The following SPTLC2 variants were observed in gnomAD, a reference collection of about 807,000 sequenced individuals.
SPTLC2 encodes serine palmitoyltransferase long chain base subunit 2.
Under a neutral mutation model 62.0 loss-of-function variants are expected in SPTLC2, and 21 were observed. The ratio of observed to expected loss-of-function variants is 0.34; its 90% confidence interval spans 0.24 to 0.49. The LOEUF (loss-of-function observed/expected upper bound fraction) is 0.49. Among genes scored for constraint, SPTLC2 ranks in the 20% least tolerant of loss-of-function variants. The probability of loss-of-function intolerance (pLI) is 0.99; values close to 1 mark genes in which losing one functional copy is unlikely to be tolerated. For missense variants in SPTLC2, 511 were observed against 713.0 expected (o/e 0.72, Z 3.23); for synonymous variants, 261 against 261.8 (o/e 1.00, Z 0.03).
At position 77,509,913 on chromosome 14, in the gene SPTLC2, T is replaced by G; in HGVS notation, c.*2371A>C. ...ATAGATATATTTTAAATGCCGGTAC[T>G]GACATTTGAATTTGCAGTGACTTCA... On this transcript the variant is annotated 3_prime_UTR_variant, in exon 12 of 12. Transcript: ENST00000216484. 1 of 398,452 alleles carries G rather than the reference T, an allele frequency of 2.5e-6. No homozygotes were observed. Among genetic ancestry groups the G allele is most frequent in the Middle Eastern group, 6.3e-4 (1 of 1,584 alleles). 24.7% of individuals were successfully genotyped at this position (398,452 alleles called of 1,614,324 possible).
At chr14:77,521,648 A>G (rs1286877769) in intron 9 of SPTLC2, 67 bp from the exon 10 acceptor site, 6 of 1,350,854 alleles carry the variant, frequency 4.4e-6, no homozygotes, top group Non-Finnish European at 6.3e-6. Context: ...AAGACAGTAA[A>G]TCTCCTCTAT....
intron 6 of SPTLC2, 120 bp downstream of exon 6, chr14:77,562,276 A>G: frequency 1.1e-6 from 1 of 874,294 alleles, no homozygotes. Context: ...GAACATTTTA[A>G]ATGTTGCTAC....
chr14:77,604,440 T>C (rs1169957366), intron 1 of SPTLC2, among the ~76,000 whole-genome samples: 1 of 152,236 alleles, frequency 6.6e-6, no homozygotes, highest in South Asian at 2.1e-4. Context: ...TCAGTTTCTG[T>C]TGCTCTCAAC....
chr14:77,550,435 G>A (rs779556661), intron 9 of SPTLC2, among the ~76,000 whole-genome samples: 1 of 152,158 alleles, frequency 6.6e-6, no homozygotes, highest in Non-Finnish European at 1.5e-5. Flanking sequence ...TTAGCCGGGT[G>A]TGGTGGCGCA....
At chr14:77,543,413 T>C (rs986823953) in intron 9 of SPTLC2, among the ~76,000 whole-genome samples, 11 of 152,218 alleles carry the variant, frequency 7.2e-5, no homozygotes, top group African/African-American at 2.4e-4. Context: ...TGTAGTAATG[T>C]ATCTACCCAC....
intron 9 of SPTLC2, among the ~76,000 whole-genome samples, chr14:77,545,974 G>A (rs190349171): frequency 1.0e-3 from 156 of 152,316 alleles, no homozygotes; most frequent in Admixed American, 1.8e-3. Context: ...GGTGGGGAAA[G>A]GGCTACTGAT....
intron 1 of SPTLC2, among the ~76,000 whole-genome samples, chr14:77,601,647 G>A (rs563270746): frequency 1.3e-5 from 2 of 152,106 alleles, no homozygotes; most frequent in South Asian, 4.1e-4. Context: ...CTCACTTCGT[G>A]AAGAGATCTA....
rs1436801200 is a variant in SPTLC2, at chr14:77,597,297, C to T, written c.216G>A (p.Val72=). ...GTACGCCATACCCCACATACGTGAG[C>T]ACAGCAACCAGCATTGGTGTTTCTT... The part of the protein sequence containing the change: ...AFEETPMLVA[V]LTYVGYGVLT... The change falls in exon 2 of 12, where the codon GTG becomes GTA. Residue 72 remains valine, a synonymous_variant. Transcript: ENST00000216484. The T allele has an allele frequency of 6.2e-6, 10 of 1,614,194 alleles. No homozygotes were observed. The highest frequency in any genetic ancestry group is 8.5e-6 in the Non-Finnish European group (10 of 1,180,032).
chr14:77,600,180 A>G (rs2140058568), intron 1 of SPTLC2, among the ~76,000 whole-genome samples: 1 of 152,340 alleles, frequency 6.6e-6, no homozygotes, highest in East Asian at 1.9e-4. Flanking sequence ...TCTAGGAAGG[A>G]GGATGCTAAA....
chr14:77,581,427 T>TTTTTTTA (rs2079750228), intron 2 of SPTLC2, among the ~76,000 whole-genome samples: 2 of 135,888 alleles, frequency 1.5e-5, no homozygotes, highest in Admixed American at 7.6e-5. Flanking sequence ...TTTTTTTTTT[T>TTTTTTTA]GAGGCAGAGT....
At chr14:77,585,919 G>C (rs2079778392) in intron 2 of SPTLC2, among the ~76,000 whole-genome samples, 1 of 152,110 alleles carries the variant, frequency 6.6e-6, no homozygotes, top group Admixed American at 6.6e-5. Flanking sequence ...AAGGAGCATA[G>C]CCCTAAACGT....
intron 7 of SPTLC2, among the ~76,000 whole-genome samples, chr14:77,556,133 G>A (rs1312646739): frequency 6.6e-6 from 1 of 151,944 alleles, no homozygotes; most frequent in Non-Finnish European, 1.5e-5. Context: ...GACCAGCCCG[G>A]CCAACACAGT....
chr14:77,555,343 G>A lies in SPTLC2; in HGVS notation c.1133C>T (p.Thr378Ile). The change falls in exon 8 of 12, where the codon ACA (threonine) becomes ATA (isoleucine). Residue 378 changes from threonine (T) to isoleucine (I), a missense_variant. Physicochemically the swap from Thr to Ile is moderately conservative, Grantham distance 89. Coordinates refer to ENST00000216484, the MANE Select transcript of SPTLC2 (RefSeq NM_004863.4). ...TCCTCCAGAAGCACCAAAACTCTTTGTGAACGTTCCCATCATAACATCCAC... is the reference window on the plus strand; with the variant it reads ...TCCTCCAGAAGCACCAAAACTCTTTATGAACGTTCCCATCATAACATCCAC... Reference protein sequence around the residue: ...EDVDVMMGTFTKSFGASGGYI... With the variant: ...EDVDVMMGTFIKSFGASGGYI... The A allele has an allele frequency of 1.2e-6, 2 of 1,613,980 alleles. No homozygotes were observed. Among genetic ancestry groups the A allele is most frequent in the Non-Finnish European group, 1.7e-6 (2 of 1,180,010 alleles).
At chr14:77,561,165 G>T (rs574873315) in intron 6 of SPTLC2, among the ~76,000 whole-genome samples, 1 of 152,170 alleles carries the variant, frequency 6.6e-6, no homozygotes, top group East Asian at 1.9e-4. Context: ...AACTGTAACT[G>T]TAGTGCTGTT....
intron 2 of SPTLC2, among the ~76,000 whole-genome samples, chr14:77,584,842 T>C (rs1450132003): frequency 1.3e-5 from 2 of 152,178 alleles, no homozygotes; most frequent in Non-Finnish European, 2.9e-5. Context: ...AAACTGTATT[T>C]CCTGGACACC....
intron 2 of SPTLC2, among the ~76,000 whole-genome samples, chr14:77,593,063 A>G (rs1273224986): frequency 6.6e-6 from 1 of 151,882 alleles, no homozygotes; most frequent in African/African-American, 2.4e-5. Flanking sequence ...AGATCACGCC[A>G]CTGTACTCCA....
At chr14:77,593,514 C>A (rs1051340200) in intron 2 of SPTLC2, among the ~76,000 whole-genome samples, 2 of 152,148 alleles carry the variant, frequency 1.3e-5, no homozygotes, top group Admixed American at 6.6e-5. Flanking sequence ...AAACAACATT[C>A]TCATCCAAAA....
intron 1 of SPTLC2, among the ~76,000 whole-genome samples, chr14:77,614,569 C>T (rs1024883630): frequency 6.6e-6 from 1 of 151,874 alleles, no homozygotes; most frequent in Non-Finnish European, 1.5e-5. Flanking sequence ...GAGGCTGAGG[C>T]AGGAGAATGG....
Position 77,512,170 on chromosome 14 carries a change from G to A in SPTLC2, c.*114C>T. On this transcript the variant is annotated 3_prime_UTR_variant, in exon 12 of 12. Coordinates refer to ENST00000216484, the MANE Select transcript of SPTLC2 (RefSeq NM_004863.4). ...GGAGGTGGCCACCTTCAGTAGCTGAGGCAATGTCTTTCACGTGAGATGGCC... is the reference window on the plus strand; with the variant it reads ...GGAGGTGGCCACCTTCAGTAGCTGAAGCAATGTCTTTCACGTGAGATGGCC... 6.8e-7 allele frequency: 1 copy of A among 1,472,978 alleles called. No individual in the cohort carries two copies. Among genetic ancestry groups the A allele is most frequent in the Non-Finnish European group, 9.5e-7 (1 of 1,057,246 alleles). The allele number at this position is 1,472,978 out of a possible 1,614,324, so 91.2% of individuals were successfully genotyped here.
Sources: allele counts gnomAD v4.1 joint callset (sites outside exome capture counted in the v4.1 genomes callset), GRCh38; gene constraint gnomAD v4.1.1; transcripts MANE v1.5; gene names NCBI Gene and HGNC (gene_info 2026-07-23, HGNC 2026-07-21).